NRDE2: variants seen among roughly 807,000 people sequenced by gnomAD.
NRDE2 encodes the protein NRDE-2, necessary for RNA interference, domain containing.
A neutral mutation model predicts 124.2 loss-of-function variants in NRDE2; 76 were observed. That is an observed-to-expected ratio of 0.61 (90% CI 0.51 to 0.74). NRDE2 has a LOEUF of 0.74. NRDE2 is among the 30% of genes least tolerant of loss of function. The pLI is 0.00. For missense variants in NRDE2, 1,314 were observed against 1,417.3 expected (o/e 0.93, Z 1.17); for synonymous variants, 489 against 528.1 (o/e 0.93, Z 1.01).
rs1384739541 is a variant in NRDE2, at chr14:90,276,410, G to C, written c.*1926C>G. On this transcript the variant is annotated 3_prime_UTR_variant, in exon 14 of 14. Coordinates refer to ENST00000354366, the MANE Select transcript of NRDE2 (RefSeq NM_017970.4). ...ATTTTTTGTATTTTTAGTAGAGACG[G>C]GGGTTTCACCATGTTAGCCAGGATG... The C allele has an allele frequency of 6.6e-6, 1 of 151,858 alleles. No homozygotes were observed. Among genetic ancestry groups the C allele is most frequent in the South Asian group, 2.1e-4 (1 of 4,818 alleles). The allele number at this position is 151,858 out of a possible 1,614,324, so 9.4% of individuals were successfully genotyped here. A position where few individuals can be genotyped will look rare whatever the true frequency, so the allele number is the denominator to read the frequency against.
chr14:90,331,784 C>T, intron 1 of NRDE2, 57 bp downstream of exon 1: 2 of 1,568,814 alleles, frequency 1.3e-6, no homozygotes, highest in South Asian at 1.1e-5. Context: ...GACCTGGGCC[C>T]GAGAAACAGC....
chr14:90,278,794 A>T, intron 13 of NRDE2: 1 of 543,450 alleles, frequency 1.8e-6, no homozygotes, highest in Non-Finnish European at 3.3e-6. Flanking sequence ...CTCTTTCAGC[A>T]TCTGGGCTGG....
Position 90,277,532 on chromosome 14 carries a change from A to G in NRDE2, c.*804T>C, listed in dbSNP as rs8020412. 142,548 of 152,370 alleles carry G rather than the reference A, an allele frequency of 0.94. 67,334 individuals carry two copies. The highest frequency in any genetic ancestry group is 1 in the East Asian group (5,176 of 5,178). The allele number at this position is 152,370 out of a possible 1,614,324, so 9.4% of individuals were successfully genotyped here. A position where few individuals can be genotyped will look rare whatever the true frequency, so the allele number is the denominator to read the frequency against. On this transcript the variant is annotated 3_prime_UTR_variant, in exon 14 of 14. Transcript: ENST00000354366. ...AGCCCTCGAATGCAACACCAGAACC[A>G]GGCCAGCCTTGGCCTTCATAGTGTA... is the stretch of plus-strand genomic sequence containing the variant.
intron 7 of NRDE2, among the ~76,000 whole-genome samples, 182 bp from the exon 8 acceptor site, chr14:90,298,562 C>T (rs1884268706): frequency 6.6e-6 from 1 of 152,186 alleles, no homozygotes; most frequent in Non-Finnish European, 1.5e-5. Context: ...TCTAGCGTGG[C>T]AGGCAGCTTC....
intron 1 of NRDE2, among the ~76,000 whole-genome samples, chr14:90,327,339 C>G (rs1007964608): frequency 1.2e-4 from 18 of 151,958 alleles, no homozygotes; most frequent in Admixed American, 1.1e-3. Flanking sequence ...TGCTTGAGGC[C>G]AGGAGTTCAA....
chr14:90,295,062 T>C (rs1378130772), intron 8 of NRDE2, among the ~76,000 whole-genome samples: 1 of 152,066 alleles, frequency 6.6e-6, no homozygotes, highest in Non-Finnish European at 1.5e-5. Flanking sequence ...TGACAGAAAC[T>C]GCCTAGTACC....
Position 90,319,712 on chromosome 14 carries a change from T to C in NRDE2, c.65-1599A>G, listed in dbSNP as rs150698069. On this transcript the variant is annotated intron_variant, in intron 1 of 13. Coordinates refer to ENST00000354366, the MANE Select transcript of NRDE2 (RefSeq NM_017970.4). ...TATCTCATTTTATGGATTTACCACATTTTACCTGTCCATTAGTTGATGAAC... is the reference window on the plus strand; with the variant it reads ...TATCTCATTTTATGGATTTACCACACTTTACCTGTCCATTAGTTGATGAAC... 4.8e-3 allele frequency among the ~76,000 whole-genome samples: 732 copies of C among 152,338 alleles called. 1 individual carries two copies. Among genetic ancestry groups the C allele is most frequent in the Non-Finnish European group, 7.8e-3 (534 of 68,030 alleles).
rs771610805 is a variant in NRDE2, at chr14:90,316,580, C to T, written c.405G>A (p.Pro135=). The T allele has an allele frequency of 8.7e-6, 14 of 1,604,650 alleles. No individual in the cohort carries two copies. The highest frequency in any genetic ancestry group is 1.3e-5 in the African/African-American group (1 of 74,398). ...GGTGCTTGAGAACAGCAACCTACTTCGGTTCCTCAGATTCCTTTTTACTGC... is the reference window on the plus strand; with the variant it reads ...GGTGCTTGAGAACAGCAACCTACTTTGGTTCCTCAGATTCCTTTTTACTGC... ...VGGSKKESEE[P]NQGNNAAADT... is the part of the protein sequence containing the mutation. Residue 135 remains proline (P), a splice_region_variant and synonymous_variant, in exon 3 of 14, where the codon CCG becomes CCA. Coordinates refer to ENST00000354366, the MANE Select transcript of NRDE2 (RefSeq NM_017970.4).
chr14:90,288,430 G>C lies in NRDE2; in HGVS notation c.2945C>G (p.Pro982Arg), dbSNP rs1037471010. Residue 982 changes from proline (P) to arginine (R), a missense_variant, in exon 11 of 14, where the codon CCT (proline) becomes CGT (arginine). Coordinates refer to ENST00000354366, the MANE Select transcript of NRDE2 (RefSeq NM_017970.4). ...AGCCTGTGAGAGTGCCTCTCGCAGA[G>C]GGGCCAGCGGGTAAACACTCACTTT... ...HMKVSVYPLA[P>R]LREALSQALK... 2.5e-6 allele frequency: 4 copies of C among 1,614,054 alleles called. No homozygotes were observed. The highest frequency in any genetic ancestry group is 3.4e-6 in the Non-Finnish European group (4 of 1,180,044).
At chr14:90,301,640 G>A in intron 6 of NRDE2, 1 of 446,506 alleles carries the variant, frequency 2.2e-6, no homozygotes, top group South Asian at 1.8e-5. Flanking sequence ...AATAAGTCAA[G>A]AGGTTGGTCT....
Position 90,276,304 on chromosome 14 carries a change from T to C in NRDE2, c.*2032A>G, listed in dbSNP as rs1250127908. The C allele has an allele frequency of 6.7e-6, 1 of 149,106 alleles. No individual in the cohort carries two copies. 9.2% of individuals were successfully genotyped at this position (149,106 alleles called of 1,614,324 possible). On this transcript the variant is annotated 3_prime_UTR_variant, in exon 14 of 14. Coordinates refer to ENST00000354366, the MANE Select transcript of NRDE2 (RefSeq NM_017970.4). Reference sequence around the variant, plus strand: ...CGCGATCTTGGCTCACTGCAAGCTCTGCCTCCCAGGTTCACGCCATTCTCC... The same window carrying C: ...CGCGATCTTGGCTCACTGCAAGCTCCGCCTCCCAGGTTCACGCCATTCTCC...
chr14:90,270,117 G>T lies in NRDE2; in HGVS notation c.*8219C>A. 6.9e-7 allele frequency: 1 copy of T among 1,447,548 alleles called. No homozygotes were observed. The highest frequency in any genetic ancestry group is 9.4e-7 in the Non-Finnish European group (1 of 1,063,508). The allele number at this position is 1,447,548 out of a possible 1,614,324, so 89.7% of individuals were successfully genotyped here. ...TGTCCGACTGAAACTTCGTATGTAA[G>T]GAGATGGGCTGAGGCCTCTGAGCCA... On this transcript the variant is annotated 3_prime_UTR_variant, in exon 14 of 14. Coordinates refer to ENST00000354366, the MANE Select transcript of NRDE2 (RefSeq NM_017970.4).
At position 90,288,563 on chromosome 14, in the gene NRDE2, CAG is replaced by C; in HGVS notation, c.2810_2811del (p.Ser937CysfsTer73). On this transcript the variant is annotated frameshift_variant, in exon 11 of 14. Transcript: ENST00000354366. LOFTEE classifies it high-confidence loss of function. ...YEQVFAKLNSSVFPEGSGEGD... is the reference protein window; with the variant it reads ...YEQVFAKLNSXVFPEGSGEGD... ...CCCTCGCCAGAGCCTTCTGGGAAAA[CAG>C]AACTGTTCAGTTTTGCAAACACCTG... The C allele has an allele frequency of 3.1e-6, 5 of 1,614,184 alleles. No homozygotes were observed. The highest frequency in any genetic ancestry group is 4.2e-6 in the Non-Finnish European group (5 of 1,180,026).
chr14:90,268,146 G>T lies in NRDE2; in HGVS notation c.*10190C>A. 1.6e-6 allele frequency: 2 copies of T among 1,222,604 alleles called. No individual in the cohort carries two copies. The highest frequency in any genetic ancestry group is 2.2e-6 in the Non-Finnish European group (2 of 902,230). 75.7% of individuals were successfully genotyped at this position (1,222,604 alleles called of 1,614,324 possible). A position where few individuals can be genotyped will look rare whatever the true frequency, so the allele number is the denominator to read the frequency against. ...CGCCTGTTTTTGGTGTCCATTTAAGGTGGTAATGATACGAGTTTTTAAGTT... is the reference window on the plus strand; with the variant it reads ...CGCCTGTTTTTGGTGTCCATTTAAGTTGGTAATGATACGAGTTTTTAAGTT... On this transcript the variant is annotated 3_prime_UTR_variant, in exon 14 of 14. Transcript: ENST00000354366.
At chr14:90,283,780 G>GCT (rs1040761485) in intron 12 of NRDE2, among the ~76,000 whole-genome samples, 4 of 151,266 alleles carry the variant, frequency 2.6e-5, no homozygotes, top group Non-Finnish European at 5.9e-5. Context: ...CGCAATCTTG[G>GCT]CTCTCACTGC....
At chr14:90,315,530 A>G (rs1885013914) in intron 3 of NRDE2, among the ~76,000 whole-genome samples, 1 of 152,206 alleles carries the variant, frequency 6.6e-6, no homozygotes, top group Non-Finnish European at 1.5e-5. Flanking sequence ...TAGTTTCACC[A>G]TATACCACCT....
chr14:90,285,141 C>CA (rs1004093684), intron 12 of NRDE2, among the ~76,000 whole-genome samples: 3 of 151,318 alleles, frequency 2.0e-5, no homozygotes, highest in Non-Finnish European at 4.4e-5. Context: ...AAGCTGGACT[C>CA]ACGCTTGTAA....
rs1041592128 is a variant in NRDE2, at chr14:90,272,259, C to T, written c.*6077G>A. Reference sequence around the variant, plus strand: ...GAGTATGTCACTTTCTGAACACACTCTTCTTTCTTACAGGCAATCTGTACA... The same window carrying T: ...GAGTATGTCACTTTCTGAACACACTTTTCTTTCTTACAGGCAATCTGTACA... On this transcript the variant is annotated 3_prime_UTR_variant, in exon 14 of 14. Transcript: ENST00000354366. This position sits in a 1 kb window ranked among gnomAD's most constrained non-coding sequence, Gnocchi z 4.5. 4 of 1,601,546 alleles carry T rather than the reference C, an allele frequency of 2.5e-6. No individual in the cohort carries two copies. Among genetic ancestry groups the T allele is most frequent in the South Asian group, 2.3e-5 (2 of 88,530 alleles).
At chr14:90,298,619 C>T (rs563119386) in intron 7 of NRDE2, among the ~76,000 whole-genome samples, 2 of 152,304 alleles carry the variant, frequency 1.3e-5, no homozygotes, top group East Asian at 1.9e-4. Flanking sequence ...TTTTCACACT[C>T]GCATGTGAGC....
Sources: allele counts gnomAD v4.1 joint callset (sites outside exome capture counted in the v4.1 genomes callset), GRCh38; gene constraint gnomAD v4.1.1; non-coding constraint Gnocchi (gnomAD v3.1); transcripts MANE v1.5; gene names NCBI Gene and HGNC (gene_info 2026-07-23, HGNC 2026-07-21).